Variants in CCDC171 observed in about 807,000 individuals in gnomAD.
CCDC171 encodes coiled-coil domain containing 171.
In CCDC171, 177 loss-of-function variants were observed where a neutral mutation model predicts 168.2. The observed-to-expected ratio is 1.05, with a 90% CI of 0.93 to 1.19. The LOEUF is 1.19. Among genes scored for constraint, CCDC171 ranks in the 50% most tolerant of loss-of-function variants. CCDC171 has a pLI of 0.00. For synonymous variants in CCDC171, 687 were observed against 540.8 expected (o/e 1.27, Z -3.75); for missense variants, 1,991 against 1,539.0 (o/e 1.29, Z -4.91).
intron 24 of CCDC171, among the ~76,000 whole-genome samples, chr9:15,907,603 G>A (rs377071876): frequency 3.3e-5 from 5 of 152,162 alleles, no homozygotes; most frequent in African/African-American, 1.2e-4. Flanking sequence ...CATGGGCAAG[G>A]ACTTCATGTC....
chr9:15,794,952 G>T (rs1434105144), intron 21 of CCDC171, among the ~76,000 whole-genome samples: 4 of 152,160 alleles, frequency 2.6e-5, no homozygotes, highest in African/African-American at 9.7e-5. Context: ...TCACTTTCTT[G>T]AAGTCAGGAT....
At chr9:15,626,502 T>C (rs1482664693) in intron 7 of CCDC171, among the ~76,000 whole-genome samples, 2 of 152,216 alleles carry the variant, frequency 1.3e-5, no homozygotes, top group Non-Finnish European at 2.9e-5. Context: ...ATACCTAGTT[T>C]ATTGAGAGTT....
At chr9:15,555,905 T>C (rs1411432694) in intron 1 of CCDC171, among the ~76,000 whole-genome samples, 6 of 152,064 alleles carry the variant, frequency 3.9e-5, no homozygotes, top group African/African-American at 1.4e-4. Flanking sequence ...CGTTGTTCAA[T>C]TCCTACCTAA....
At chr9:15,642,939 T>C (rs2132570109) in intron 7 of CCDC171, among the ~76,000 whole-genome samples, 1 of 152,320 alleles carries the variant, frequency 6.6e-6, no homozygotes, top group African/African-American at 2.4e-5. Context: ...CTGAATATTC[T>C]GCATTTAACA....
the CCDC171 span, among the ~76,000 whole-genome samples, chr9:16,102,488 T>TGG: frequency 4.0e-4 from 20 of 50,028 alleles, no homozygotes; most frequent in Admixed American, 9.2e-4. Context: ...AAACGTGTGT[T>TGG]GGGGGGGGGC....
At chr9:15,611,818 G>A (rs181747683) in intron 6 of CCDC171, among the ~76,000 whole-genome samples, 59 of 152,204 alleles carry the variant, frequency 3.9e-4, no homozygotes, top group Non-Finnish European at 8.8e-5. Context: ...TTACTATATA[G>A]CTTGGCTTCA....
the CCDC171 span, among the ~76,000 whole-genome samples, chr9:16,066,722 T>G: frequency 6.7e-6 from 1 of 150,090 alleles, no homozygotes; most frequent in East Asian, 2.0e-4. Flanking sequence ...TTTGGTTTTT[T>G]GTTCTTGCGA....
chr9:16,006,067 G>C (rs1441113855), intron 3 of CCDC171, among the ~76,000 whole-genome samples: 1 of 151,846 alleles, frequency 6.6e-6, no homozygotes. Context: ...TCACCATTTT[G>C]ACCAGGCTGG....
intron 6 of CCDC171, among the ~76,000 whole-genome samples, chr9:15,603,122 C>T (rs1028487707): frequency 1.3e-5 from 2 of 151,912 alleles, no homozygotes; most frequent in Admixed American, 1.3e-4. Context: ...GCTGGGCCTA[C>T]AGGCGCCCGT....
intron 1 of CCDC171, among the ~76,000 whole-genome samples, chr9:16,053,894 T>C (rs1833791757): frequency 6.6e-6 from 1 of 152,246 alleles, no homozygotes; most frequent in Non-Finnish European, 1.5e-5. Context: ...ATGGCCATGC[T>C]GCCTGTCACC....
At chr9:16,101,154 C>T in the CCDC171 span, among the ~76,000 whole-genome samples, 3 of 152,322 alleles carry the variant, frequency 2.0e-5, no homozygotes, top group East Asian at 1.9e-4. Flanking sequence ...CTTCTTGCTA[C>T]ACAAAGGAAA....
At chr9:16,029,217 C>T (rs1260815176) in intron 6 of CCDC171, among the ~76,000 whole-genome samples, 1 of 152,190 alleles carries the variant, frequency 6.6e-6, no homozygotes, top group Non-Finnish European at 1.5e-5. Flanking sequence ...GCTTGTTTTA[C>T]TTAGTCCTCG....
At chr9:15,792,789 C>T (rs945705495) in intron 21 of CCDC171, among the ~76,000 whole-genome samples, 5 of 152,098 alleles carry the variant, frequency 3.3e-5, no homozygotes, top group African/African-American at 1.2e-4. Context: ...ATTTTGTCAC[C>T]ACTAGGCCTG....
At chr9:15,684,837 C>A (rs2133544113) in intron 10 of CCDC171, among the ~76,000 whole-genome samples, 1 of 152,252 alleles carries the variant, frequency 6.6e-6, no homozygotes, top group African/African-American at 2.4e-5. Context: ...TTGTCAATCA[C>A]AACATTTTCT....
intron 3 of CCDC171, among the ~76,000 whole-genome samples, chr9:15,995,097 A>G (rs1402151671): frequency 1.3e-5 from 2 of 152,104 alleles, no homozygotes; most frequent in Admixed American, 1.3e-4. Context: ...GAAAACCCAC[A>G]CCCACGCCTC....
intron 24 of CCDC171, chr9:15,875,438 A>G (rs571346446): frequency 6.6e-6 from 1 of 152,076 alleles, no homozygotes; most frequent in Admixed American, 6.6e-5. Context: ...AATGAAATTC[A>G]GTGTGTCCTT....
At chr9:15,905,785 TAAAG>T (rs1436306873) in intron 24 of CCDC171, among the ~76,000 whole-genome samples, 1 of 151,638 alleles carries the variant, frequency 6.6e-6, no homozygotes, top group Non-Finnish European at 1.5e-5. Context: ...GCAAGACTAA[TAAAG>T]AAGAAAAGAG....
intron 18 of CCDC171, among the ~76,000 whole-genome samples, chr9:15,756,587 A>G (rs2056131346): frequency 1.3e-5 from 2 of 152,104 alleles, no homozygotes; most frequent in South Asian, 2.1e-4. Flanking sequence ...CTTTTTGTCC[A>G]TGTATACCCA....
At chr9:15,914,056 C>T (rs1236336893) in intron 24 of CCDC171, among the ~76,000 whole-genome samples, 1 of 152,194 alleles carries the variant, frequency 6.6e-6, no homozygotes, top group Non-Finnish European at 1.5e-5. Flanking sequence ...CCAGCCGGAG[C>T]GCTTGTATAT....
Sources: gnomAD v4.1 joint callset for allele counts (sites outside exome capture counted in the v4.1 genomes callset) on GRCh38, gnomAD v4.1.1 for gene constraint, MANE v1.5 for transcripts, NCBI Gene and HGNC (gene_info 2026-07-23, HGNC 2026-07-21) for gene names.